The following RARS2 variants were observed in gnomAD, a reference collection of about 807,000 sequenced individuals.
RARS2 encodes probable arginine--tRNA ligase, mitochondrial.
RARS2 carries 67 observed loss-of-function variants against 88.5 expected under a neutral mutation model. The observed-to-expected ratio is 0.76, with a 90% CI of 0.62 to 0.93. The LOEUF is 0.93. RARS2 is among the 40% of genes least tolerant of loss of function. RARS2 has a pLI of 0.00. For missense variants in RARS2, 664 were observed against 684.2 expected, an observed-to-expected ratio of 0.97 and a Z score of 0.33; for synonymous variants, 239 against 230.3, an observed-to-expected ratio of 1.04 and a Z score of -0.34.
intron 1 of RARS2, among the ~76,000 whole-genome samples, chr6:87,574,208 A>G (rs1326364385): frequency 1.3e-5 from 2 of 152,272 alleles, no homozygotes; most frequent in African/African-American, 4.8e-5. Context: ...TGCAGAAAGC[A>G]AACCTTGATA....
chr6:87,535,791 C>T lies in RARS2; in HGVS notation c.613-4849G>A, dbSNP rs114400183. Among the ~76,000 whole-genome samples, 844 of 151,202 alleles carry T rather than the reference C, an allele frequency of 5.6e-3. 11 individuals carry two copies. The highest frequency in any genetic ancestry group is 0.02 in the African/African-American group (817 of 41,036). On this transcript the variant is annotated intron_variant, in intron 8 of 19. Coordinates refer to ENST00000369536, the MANE Select transcript of RARS2 (RefSeq NM_020320.5). ...TCCTGGGTTCAAGCGATTCTCGTCC[C>T]TCGGCCTCCTGAGTAGCTGGGATTA...
intron 17 of RARS2, 105 bp from the exon 18 acceptor site, chr6:87,516,985 A>T: frequency 6.6e-7 from 1 of 1,522,998 alleles, no homozygotes. Context: ...CACGATTAAG[A>T]GTAGAAGGTA....
At chr6:87,519,555 G>T in intron 14 of RARS2, 28 bp downstream of exon 14, 1 of 1,598,100 alleles carries the variant, frequency 6.3e-7, no homozygotes, top group South Asian at 1.1e-5. Context: ...CGTAAGTTAT[G>T]ACTTTAATAA....
At position 87,514,990 on chromosome 6, in the gene RARS2, T is replaced by C. The variant is rs2127987891; in HGVS notation, c.1617A>G (p.Leu539=). Residue 539 remains leucine, a synonymous_variant, in exon 19 of 20, where the codon CTA becomes CTG. Coordinates refer to ENST00000369536, the MANE Select transcript of RARS2 (RefSeq NM_020320.5). ...CTTCAGGAGGACTATCTTTTATTTG[T>C]AGTGTTTTGTGTGCCACAGCTGCAA... ...SHLAAVAHKT[L]QIKDSPPEVA... The C allele has an allele frequency of 6.2e-7, 1 of 1,613,490 alleles. No individual in the cohort carries two copies.
intron 5 of RARS2, among the ~76,000 whole-genome samples, chr6:87,549,080 T>TGTG (rs1378250733): frequency 1.3e-5 from 2 of 151,686 alleles, no homozygotes; most frequent in Non-Finnish European, 2.9e-5. Context: ...GGTGGCTGGG[T>TGTG]GTGGTGGCTC....
chr6:87,572,306 T>C (rs935087990), intron 1 of RARS2, among the ~76,000 whole-genome samples: 2 of 152,206 alleles, frequency 1.3e-5, no homozygotes, highest in African/African-American at 4.8e-5. Flanking sequence ...TTCCTTCTCC[T>C]TTTAAAAAGT....
At chr6:87,539,957 C>T (rs973071736) in intron 8 of RARS2, among the ~76,000 whole-genome samples, 2 of 152,034 alleles carry the variant, frequency 1.3e-5, no homozygotes, top group African/African-American at 4.8e-5. Context: ...ACAGTAAAAA[C>T]TCCAGGCACT....
In RARS2 at chr6:87,569,887, G is replaced by A. The variant is rs181572515; in HGVS notation, c.37-297C>T. On this transcript the variant is annotated intron_variant, in intron 1 of 19. Transcript: ENST00000369536. ...AGCAAAAAGAATGAACTTTACCTTC[G>A]TAAATTAAAAAAAAAAAAAAGTATG... Among the ~76,000 whole-genome samples, 3 of 147,512 alleles carry A rather than the reference G, an allele frequency of 2.0e-5. No homozygotes were observed. The East Asian group carries it at 5.9e-4, about 29-fold the overall frequency.
chr6:87,584,626 G>A, intron 1 of RARS2: 1 of 405,424 alleles, frequency 2.5e-6, no homozygotes, highest in Non-Finnish European at 4.9e-6. Flanking sequence ...ATTATTAAGT[G>A]CTCCATGGTA....
chr6:87,521,647 A>C (rs1773894522), intron 11 of RARS2, 123 bp from the exon 12 acceptor site: 3 of 732,766 alleles, frequency 4.1e-6, no homozygotes, highest in Admixed American at 2.0e-5. Flanking sequence ...AGCCTGAGGA[A>C]TTCCACCCAC....
At chr6:87,524,808 A>G (rs1340955215) in intron 10 of RARS2, among the ~76,000 whole-genome samples, 156 bp from the exon 11 acceptor site, 5 of 152,232 alleles carry the variant, frequency 3.3e-5, no homozygotes, top group Non-Finnish European at 5.9e-5. Context: ...GAAAAAAACA[A>G]GAATATGACC....
chr6:87,552,869 T>A (rs1784792355), intron 5 of RARS2, among the ~76,000 whole-genome samples: 1 of 152,168 alleles, frequency 6.6e-6, no homozygotes, highest in Non-Finnish European at 1.5e-5. Context: ...ATATATTACC[T>A]CCCTGCTGAT....
intron 6 of RARS2, 67 bp from the exon 7 acceptor site, chr6:87,545,766 CTTCTCTA>C: frequency 1.3e-6 from 2 of 1,538,492 alleles, no homozygotes; most frequent in Non-Finnish European, 1.8e-6. Flanking sequence ...GAACCATGTA[CTTCTCTA>C]TTATCAAACA....
At chr6:87,530,113 G>C (rs568307111) in intron 9 of RARS2, among the ~76,000 whole-genome samples, 36 of 152,222 alleles carry the variant, frequency 2.4e-4, no homozygotes, top group Admixed American at 2.2e-3. Flanking sequence ...GGCTACTTAA[G>C]GAGACGGCCA....
chr6:87,548,448 T>G (rs1383577623), intron 6 of RARS2, 143 bp downstream of exon 6: 2 of 754,534 alleles, frequency 2.7e-6, no homozygotes, highest in Admixed American at 2.5e-5. Context: ...TGTCATCCAT[T>G]TCCTGAATTG....
rs79142877 is a variant in RARS2, at chr6:87,568,215, A to T, written c.110+1302T>A. Among the ~76,000 whole-genome samples the T allele has an allele frequency of 9.1e-3, 1,386 of 152,352 alleles. 21 individuals carry two copies. The highest frequency in any genetic ancestry group is 0.031 in the African/African-American group (1,291 of 41,578). ...ACATTAAATGAAAATGGAAACAAAC[A>T]GGCTGGGTGTGGTGGTTCATACTTG... On this transcript the variant is annotated intron_variant, in intron 2 of 19. Transcript: ENST00000369536.
Position 87,518,872 on chromosome 6 carries a change from G to T in RARS2, c.1257C>A (p.Asn419Lys), listed in dbSNP as rs751904499. 5.0e-6 allele frequency: 8 copies of T among 1,613,900 alleles called. No homozygotes were observed. In the African/African-American group the frequency reaches 8.0e-5, roughly 16 times the overall value. The change falls in exon 15 of 20, where the codon AAC (asparagine) becomes AAA (lysine). Residue 419 changes from asparagine to lysine, a missense_variant. Transcript: ENST00000369536. ...CGACCCTCTCTGCAGTCTCTTGTGG[G>T]TTCTTGAGTTCTTTAGTTGCTGAAA... Reference protein sequence around the residue: ...ASIKTTKELKNPQETAERVGL... With the variant: ...ASIKTTKELKKPQETAERVGL...
At chr6:87,570,487 C>T (rs1769320534) in intron 1 of RARS2, among the ~76,000 whole-genome samples, 1 of 152,086 alleles carries the variant, frequency 6.6e-6, no homozygotes, top group Non-Finnish European at 1.5e-5. Context: ...GACGTGATCT[C>T]GGCTCACTGC....
intron 8 of RARS2, among the ~76,000 whole-genome samples, chr6:87,541,252 C>CT (rs1780854211): frequency 6.6e-6 from 1 of 152,212 alleles, no homozygotes; most frequent in African/African-American, 2.4e-5. Context: ...CTACAGCTCA[C>CT]TGTAGCCTTG....
Sources: allele counts gnomAD v4.1 joint callset (sites outside exome capture counted in the v4.1 genomes callset), GRCh38; gene constraint gnomAD v4.1.1; transcripts MANE v1.5; gene names NCBI Gene and HGNC (gene_info 2026-07-23, HGNC 2026-07-21).